KDELR2: variants seen among roughly 807,000 people sequenced by gnomAD.
KDELR2 encodes the protein KDEL endoplasmic reticulum protein retention receptor 2.
KDELR2 carries 15 observed loss-of-function variants against 23.9 expected under a neutral mutation model. The observed-to-expected ratio is 0.63, with a 90% CI of 0.42 to 0.97. The LOEUF is 0.97. Ranked by LOEUF, KDELR2 falls within the 50% of genes least tolerant of loss-of-function variation. KDELR2 has a pLI of 0.00. For missense variants in KDELR2, 272 were observed against 254.6 expected (o/e 1.07, Z -0.46); for synonymous variants, 119 against 106.2 (o/e 1.12, Z -0.74).
chr7:6,461,847 TATA>T lies in KDELR2; in HGVS notation c.*1291_*1293del, dbSNP rs1785394926. ...CATTAATCAAAAAATAGCAAATCCA[TATA>T]ATGGCAAAATCAGGAAAAAAATTCT... On this transcript the variant is annotated 3_prime_UTR_variant, in exon 5 of 5. Transcript: ENST00000258739. 6.6e-6 allele frequency: 1 copy of T among 152,118 alleles called. No homozygotes were observed. The highest frequency in any genetic ancestry group is 1.5e-5 in the Non-Finnish European group (1 of 68,038). The allele number at this position is 152,118 out of a possible 1,614,324, so 9.4% of individuals were successfully genotyped here.
chr7:6,481,715 G>A (rs911497465), intron 1 of KDELR2, among the ~76,000 whole-genome samples: 1 of 151,912 alleles, frequency 6.6e-6, no homozygotes, highest in Admixed American at 6.6e-5. Context: ...GTGAGACATC[G>A]GTCCCACTGT....
At position 6,483,968 on chromosome 7, in the gene KDELR2, G is replaced by C; in HGVS notation, c.90C>G (p.Ala30=). ...TCCGGGCCTTCCCCCGCCGCTCACC[G>C]GCGCAGGAGCGCGTCTTCCAGATCT... ...LLKIWKTRSC[A]GISGKSQLLF... is the part of the protein sequence containing the mutation. Residue 30 remains alanine, a splice_region_variant and synonymous_variant, in exon 1 of 5, where the codon GCC becomes GCG. Coordinates refer to ENST00000258739, the MANE Select transcript of KDELR2 (RefSeq NM_006854.4). The C allele has an allele frequency of 2.0e-6, 3 of 1,518,122 alleles. No individual in the cohort carries two copies. Among genetic ancestry groups the C allele is most frequent in the Non-Finnish European group, 1.8e-6 (2 of 1,129,396 alleles). 94.0% of individuals were successfully genotyped at this position (1,518,122 alleles called of 1,614,324 possible).
At chr7:6,480,973 C>T (rs1229130594) in intron 1 of KDELR2, among the ~76,000 whole-genome samples, 3 of 152,142 alleles carry the variant, frequency 2.0e-5, no homozygotes, top group South Asian at 2.1e-4. Context: ...CACACACACA[C>T]GAAGTTAACT....
chr7:6,468,119 A>T (rs1785540591), intron 3 of KDELR2, among the ~76,000 whole-genome samples: 1 of 152,232 alleles, frequency 6.6e-6, no homozygotes, highest in Non-Finnish European at 1.5e-5. Flanking sequence ...TACAGTTTCA[A>T]GTTTCTATTT....
At position 6,463,121 on chromosome 7, in the gene KDELR2, C is replaced by G. The variant is rs762530126; in HGVS notation, c.*20G>C. 6.2e-7 allele frequency: 1 copy of G among 1,614,100 alleles called. No homozygotes were observed. Among genetic ancestry groups the G allele is most frequent in the Non-Finnish European group, 8.5e-7 (1 of 1,180,020 alleles). The stretch of plus-strand genomic sequence containing the variant: ...GTCCGAGCACCCTGAAGGACAGATG[C>G]TGGTGATGGTCTTTGGCACTTATGC... On this transcript the variant is annotated 3_prime_UTR_variant, in exon 5 of 5. Transcript: ENST00000258739.
At chr7:6,470,520 A>G (rs1583317632) in intron 2 of KDELR2, 1 of 152,204 alleles carries the variant, frequency 6.6e-6, no homozygotes, top group South Asian at 2.1e-4. Context: ...GGGACCCTGA[A>G]ATGAAGTAAG....
Position 6,475,335 on chromosome 7 carries a change from G to A in KDELR2, c.92-1051C>T, listed in dbSNP as rs1310616553. ...CCAGCTACATGGGAGGTTGAGGTGG[G>A]AGGATTGCGTGACTCCAGGAGGCTG... is the stretch of plus-strand genomic sequence containing the variant. On this transcript the variant is annotated intron_variant, in intron 1 of 4. Transcript: ENST00000258739. 2.6e-5 allele frequency among the ~76,000 whole-genome samples: 4 copies of A among 152,174 alleles called. No individual in the cohort carries two copies. In the South Asian group the frequency reaches 8.3e-4, roughly 32 times the overall value.
At chr7:6,472,477 G>A (rs1214670019) in intron 2 of KDELR2, among the ~76,000 whole-genome samples, 1 of 152,176 alleles carries the variant, frequency 6.6e-6, no homozygotes, top group Admixed American at 6.5e-5. Context: ...GGCATCCTGA[G>A]GGGGAGAGAG....
chr7:6,483,029 A>ACT (rs1049490342), intron 1 of KDELR2, among the ~76,000 whole-genome samples: 5 of 151,728 alleles, frequency 3.3e-5, no homozygotes, highest in African/African-American at 1.2e-4. Flanking sequence ...TAAGTTAAAA[A>ACT]CTCTCAATTA....
intron 1 of KDELR2, among the ~76,000 whole-genome samples, chr7:6,476,265 T>G (rs1465920093): frequency 1.3e-5 from 2 of 151,868 alleles, no homozygotes; most frequent in Admixed American, 6.6e-5. Context: ...GATCCATCAA[T>G]AGAAACCAAA....
At chr7:6,469,188 G>C (rs927775733) in intron 3 of KDELR2, among the ~76,000 whole-genome samples, 1 of 151,692 alleles carries the variant, frequency 6.6e-6, no homozygotes, top group African/African-American at 2.4e-5. Context: ...TCCTGACCTC[G>C]TGATGTGCCC....
chr7:6,474,885 G>A (rs1785722577), intron 1 of KDELR2, among the ~76,000 whole-genome samples: 1 of 152,036 alleles, frequency 6.6e-6, no homozygotes, highest in African/African-American at 2.4e-5. Context: ...TGAACTCCTG[G>A]GCCCAGCTTC....
chr7:6,474,118 T>G (rs1785707027), intron 2 of KDELR2, 66 bp downstream of exon 2: 1 of 928,284 alleles, frequency 1.1e-6, no homozygotes, highest in African/African-American at 1.6e-5. Flanking sequence ...ACAGCTGACA[T>G]AAATTAAGTG....
intron 4 of KDELR2, among the ~76,000 whole-genome samples, chr7:6,465,837 C>A (rs1785492343): frequency 6.6e-6 from 1 of 152,066 alleles, no homozygotes; most frequent in South Asian, 2.1e-4. Flanking sequence ...CACTGAAACA[C>A]CAGATGAATC....
intron 1 of KDELR2, among the ~76,000 whole-genome samples, chr7:6,477,678 C>T (rs534803381): frequency 1.6e-4 from 24 of 152,244 alleles, no homozygotes; most frequent in East Asian, 1.2e-3. Flanking sequence ...GTTTTGTTTT[C>T]GAGATGGGGT....
chr7:6,465,850 T>C (rs1057052777), intron 4 of KDELR2, among the ~76,000 whole-genome samples: 1 of 152,174 alleles, frequency 6.6e-6, no homozygotes, highest in Non-Finnish European at 1.5e-5. Context: ...GATGAATCTT[T>C]TACAGTGAAA....
chr7:6,472,235 G>C (rs1228002648), intron 2 of KDELR2, among the ~76,000 whole-genome samples: 1 of 152,172 alleles, frequency 6.6e-6, no homozygotes, highest in Non-Finnish European at 1.5e-5. Flanking sequence ...ACAGCAGAGA[G>C]GCCTCTCACC....
At position 6,462,069 on chromosome 7, in the gene KDELR2, G is replaced by T. The variant is rs1785399697; in HGVS notation, c.*1072C>A. ...TTTTTAGGATGGTAACATAAGTCATGCAACAGCTCTGTAAAACAAAACAAA... is the reference window on the plus strand; with the variant it reads ...TTTTTAGGATGGTAACATAAGTCATTCAACAGCTCTGTAAAACAAAACAAA... On this transcript the variant is annotated 3_prime_UTR_variant, in exon 5 of 5. Transcript: ENST00000258739. 1 of 152,106 alleles carries T rather than the reference G, an allele frequency of 6.6e-6. No homozygotes were observed. The highest frequency in any genetic ancestry group is 2.1e-4 in the South Asian group (1 of 4,834). The allele number at this position is 152,106 out of a possible 1,614,324, so 9.4% of individuals were successfully genotyped here. A position where few individuals can be genotyped will look rare whatever the true frequency, so the allele number is the denominator to read the frequency against.
intron 1 of KDELR2, among the ~76,000 whole-genome samples, chr7:6,482,832 C>CAAAAAAAAAAAA (rs10525658): frequency 1.6e-5 from 2 of 122,878 alleles, no homozygotes; most frequent in Non-Finnish European, 3.6e-5. Context: ...CAAAAAATAG[C>CAAAAAAAAAAAA]AAAAAAAAAA....
Sources: allele counts gnomAD v4.1 joint callset (sites outside exome capture counted in the v4.1 genomes callset), GRCh38; gene constraint gnomAD v4.1.1; transcripts MANE v1.5; gene names NCBI Gene and HGNC (gene_info 2026-07-23, HGNC 2026-07-21).